LAMB4: variants seen among roughly 807,000 people sequenced by gnomAD.
The protein encoded by LAMB4 is laminin subunit beta-4.
A neutral mutation model predicts 199.2 loss-of-function variants in LAMB4; 196 were observed. That is an observed-to-expected ratio of 0.98 (90% confidence interval 0.88 to 1.11). The LOEUF (loss-of-function observed/expected upper bound fraction) is 1.11. Among genes scored for constraint, LAMB4 ranks in the 50% least tolerant of loss-of-function variants. LAMB4 has a pLI of 0.00. For synonymous variants in LAMB4, 744 were observed against 770.6 expected (o/e 0.97, Z 0.57); for missense variants, 2,080 against 2,171.2 (o/e 0.96, Z 0.83).
At chr7:108,018,494 C>T in the LAMB4 span, among the ~76,000 whole-genome samples, 1 of 152,202 alleles carries the variant, frequency 6.6e-6, no homozygotes, top group South Asian at 2.1e-4. Flanking sequence ...AGTCCCAGCA[C>T]TTTGGGAGGC....
intron 1 of LAMB4, among the ~76,000 whole-genome samples, chr7:108,124,711 T>C (rs897031855): frequency 2.0e-5 from 3 of 152,014 alleles, no homozygotes; most frequent in Non-Finnish European, 4.4e-5. Flanking sequence ...GTAGGAAATA[T>C]AAAACCTCTT....
At chr7:108,129,656 A>G (rs2038912164) in intron 1 of LAMB4, among the ~76,000 whole-genome samples, 2 of 151,104 alleles carry the variant, frequency 1.3e-5, no homozygotes, top group Non-Finnish European at 3.0e-5. Context: ...TTCCATCTCA[A>G]CCTCCTGAGT....
At chr7:108,093,300 C>A (rs911651579) in intron 12 of LAMB4, among the ~76,000 whole-genome samples, 1 of 152,066 alleles carries the variant, frequency 6.6e-6, no homozygotes, top group Non-Finnish European at 1.5e-5. Context: ...CTCCTGACCT[C>A]GTGATCCATC....
chr7:108,071,284 A>G (rs751203635), intron 17 of LAMB4, among the ~76,000 whole-genome samples: 4 of 152,000 alleles, frequency 2.6e-5, no homozygotes, highest in Non-Finnish European at 4.4e-5. Flanking sequence ...CTTCAAGCCA[A>G]TGCAATACTT....
In LAMB4 at chr7:108,066,121, G is replaced by A. The variant is rs118109027; in HGVS notation, c.2679-202C>T. Among the ~76,000 whole-genome samples, 874 of 152,240 alleles carry A rather than the reference G, an allele frequency of 5.7e-3. 3 individuals carry two copies. The highest frequency in any genetic ancestry group is 9.1e-3 in the Non-Finnish European group (617 of 68,014). On this transcript the variant is annotated intron_variant, in intron 20 of 33. Transcript: ENST00000388781. The stretch of plus-strand genomic sequence containing the variant: ...AATTAAACTCTATGTAATAGCACTC[G>A]ATTTACATGTCACATTTGAGGAACA...
At chr7:108,079,892 A>C in intron 14 of LAMB4, 106 bp from the exon 15 acceptor site, 1 of 701,718 alleles carries the variant, frequency 1.4e-6, no homozygotes, top group Non-Finnish European at 2.3e-6. Context: ...CCTGGTGTGT[A>C]TATGATTCAT....
rs1227166405 is a variant in LAMB4, at chr7:108,047,937, C to G, written c.4297G>C (p.Asp1433His). The change falls in exon 28 of 34, where the codon GAC becomes CAC. Residue 1433 changes from aspartate to histidine, a missense_variant. Asp to His is a moderately conservative substitution (Grantham distance 81, BLOSUM62 -1). Coordinates refer to ENST00000388781, the MANE Select transcript of LAMB4 (RefSeq NM_007356.3). ...QEAKSIIRNL[D>H]KQVRGLKNQI... ...TTTTTCAACCCACGAACCTGTTTGT[C>G]CAAATTACGAATAATGGATTTTGCT... 2.5e-6 allele frequency: 4 copies of G among 1,613,998 alleles called. No homozygotes were observed. In the African/African-American group the frequency reaches 5.3e-5, roughly 22 times the overall value.
downstream of LAMB4, among the ~76,000 whole-genome samples, chr7:108,021,570 G>A (rs532617359): frequency 2.6e-5 from 4 of 152,164 alleles, no homozygotes; most frequent in East Asian, 1.9e-4. Flanking sequence ...TTAGCCGGGC[G>A]TGGTGGCACA....
intron 30 of LAMB4, among the ~76,000 whole-genome samples, chr7:108,034,759 A>T (rs994417698): frequency 8.5e-5 from 13 of 152,160 alleles, no homozygotes; most frequent in Non-Finnish European, 1.8e-4. Flanking sequence ...CAAAGAGAGG[A>T]CTACAGGCCC....
In LAMB4 at chr7:108,037,374, A is replaced by ATC; in HGVS notation, c.4679+13_4679+14insGA. On this transcript the variant is annotated intron_variant, in intron 30 of 33. Coordinates refer to ENST00000388781, the MANE Select transcript of LAMB4 (RefSeq NM_007356.3). ...TCTGTTAGAGCAAGATAAGAATATTAATACAGTACTTACTCAGCTGCTTTG... is the reference window on the plus strand; with the variant it reads ...TCTGTTAGAGCAAGATAAGAATATTATCATACAGTACTTACTCAGCTGCTTTG... 1 of 1,593,440 alleles carries ATC rather than the reference A, an allele frequency of 6.3e-7. No individual in the cohort carries two copies. Among genetic ancestry groups the ATC allele is most frequent in the Non-Finnish European group, 8.6e-7 (1 of 1,161,874 alleles).
At chr7:108,100,177 T>C (rs2037767799) in intron 10 of LAMB4, among the ~76,000 whole-genome samples, 2 of 152,234 alleles carry the variant, frequency 1.3e-5, no homozygotes. Flanking sequence ...CCTTATGTCA[T>C]GACCTTTAGA....
chr7:108,079,537 GA>G, intron 15 of LAMB4, 63 bp downstream of exon 15: 2 of 1,318,670 alleles, frequency 1.5e-6, no homozygotes, highest in Non-Finnish European at 1.0e-6. Context: ...GGCTGAAATG[GA>G]AACAGTTCAA....
intron 17 of LAMB4, among the ~76,000 whole-genome samples, chr7:108,071,518 C>T (rs957412353): frequency 6.6e-6 from 1 of 152,230 alleles, no homozygotes; most frequent in Non-Finnish European, 1.5e-5. Context: ...GCAAAACAAA[C>T]ATGCCTGAAC....
chr7:108,084,639 G>A (rs2037093765), intron 14 of LAMB4, among the ~76,000 whole-genome samples: 1 of 152,174 alleles, frequency 6.6e-6, no homozygotes, highest in Non-Finnish European at 1.5e-5. Flanking sequence ...GAGACTCAAA[G>A]TGAGTGCAAG....
At position 108,095,251 on chromosome 7, in the gene LAMB4, C is replaced by T. The variant is rs761988518; in HGVS notation, c.1447G>A (p.Gly483Arg). ...GQCLCLSYVTGAHCEECTVGY... is the reference protein window; with the variant it reads ...GQCLCLSYVTRAHCEECTVGY... ...ACAGTGCATTCTTCGCAGTGTGCTCCGGTGACATATGACAGGCACAAGCAT... is the reference window on the plus strand; with the variant it reads ...ACAGTGCATTCTTCGCAGTGTGCTCTGGTGACATATGACAGGCACAAGCAT... The change falls in exon 12 of 34, where the codon GGA becomes AGA. Residue 483 changes from glycine to arginine, a missense_variant. Coordinates refer to ENST00000388781, the MANE Select transcript of LAMB4 (RefSeq NM_007356.3). 3.7e-5 allele frequency: 60 copies of T among 1,613,472 alleles called. No homozygotes were observed. The highest frequency in any genetic ancestry group is 1.2e-4 in the African/African-American group (9 of 74,894).
At chr7:108,078,168 C>A in intron 16 of LAMB4, 33 bp downstream of exon 16, 1 of 1,374,444 alleles carries the variant, frequency 7.3e-7, no homozygotes, top group Non-Finnish European at 1.0e-6. Flanking sequence ...TTCTAAGAAG[C>A]TTTCAATGTT....
intron 19 of LAMB4, among the ~76,000 whole-genome samples, chr7:108,067,589 T>G (rs969338704): frequency 6.6e-6 from 1 of 152,242 alleles, no homozygotes; most frequent in Non-Finnish European, 1.5e-5. Context: ...GGAGAAGTCT[T>G]GTCTGTGGTG....
intron 10 of LAMB4, among the ~76,000 whole-genome samples, chr7:108,100,957 C>T (rs1175457086): frequency 1.3e-5 from 2 of 152,184 alleles, no homozygotes; most frequent in Non-Finnish European, 2.9e-5. Flanking sequence ...CGAGCTAAAA[C>T]ATTTCATTGA....
intron 12 of LAMB4, among the ~76,000 whole-genome samples, chr7:108,093,620 C>T (rs568585925): frequency 1.3e-5 from 2 of 152,126 alleles, no homozygotes; most frequent in Non-Finnish European, 2.9e-5. Flanking sequence ...GACCGTTGTT[C>T]AAAATAAACA....
Sources: allele counts gnomAD v4.1 joint callset (sites outside exome capture counted in the v4.1 genomes callset), GRCh38; gene constraint gnomAD v4.1.1; transcripts MANE v1.5; gene names NCBI Gene and HGNC (gene_info 2026-07-23, HGNC 2026-07-21).